LRRC69: variants seen among roughly 807,000 people sequenced by gnomAD.
The protein encoded by LRRC69 is leucine rich repeat containing 69, also known as leucine-rich repeat-containing protein 69.
LRRC69 carries 42 observed loss-of-function variants against 37.8 expected under a neutral mutation model. That is an observed-to-expected ratio of 1.11 (90% CI 0.87 to 1.44). The LOEUF is 1.44. LRRC69 is among the 40% of genes most tolerant of loss of function. The pLI is 0.00. For missense variants in LRRC69, 357 were observed against 401.9 expected (o/e 0.89, Z 0.96); for synonymous variants, 141 against 143.1 (o/e 0.99, Z 0.11).
chr8:91,219,026 C>A, downstream of LRRC69: 1 of 1,308,942 alleles, frequency 7.6e-7, no homozygotes, highest in Non-Finnish European at 1.1e-6. Flanking sequence ...CATTCATAGC[C>A]TCACTCCACT....
chr8:91,184,008 C>T (rs1269079394), intron 5 of LRRC69, among the ~76,000 whole-genome samples: 1 of 152,080 alleles, frequency 6.6e-6, no homozygotes, highest in Non-Finnish European at 1.5e-5. Context: ...AGGCTTGGCA[C>T]GTGTCTCACA....
At chr8:91,107,059 C>G (rs1813327450) in intron 1 of LRRC69, among the ~76,000 whole-genome samples, 1 of 151,736 alleles carries the variant, frequency 6.6e-6, no homozygotes, top group African/African-American at 2.4e-5. Flanking sequence ...ACCTCAGCCT[C>G]CCAAAGTGCT....
At chr8:91,184,798 G>T (rs1809377770) in intron 5 of LRRC69, among the ~76,000 whole-genome samples, 2 of 152,208 alleles carry the variant, frequency 1.3e-5, no homozygotes, top group South Asian at 4.1e-4. Flanking sequence ...GGTGGAGAAT[G>T]CTTGGGAAGA....
At chr8:91,159,448 T>C (rs1808897590) in intron 5 of LRRC69, among the ~76,000 whole-genome samples, 1 of 151,210 alleles carries the variant, frequency 6.6e-6, no homozygotes, top group Non-Finnish European at 1.5e-5. Context: ...ATAATATCAA[T>C]GAACTAAACT....
intron 1 of LRRC69, among the ~76,000 whole-genome samples, chr8:91,113,554 A>G (rs935104382): frequency 3.3e-5 from 5 of 152,040 alleles, no homozygotes; most frequent in Non-Finnish European, 7.3e-5. Flanking sequence ...GGTATACAAA[A>G]ATCAACTTAA....
chr8:91,118,010 G>C (rs1813543091), intron 1 of LRRC69, among the ~76,000 whole-genome samples: 1 of 151,828 alleles, frequency 6.6e-6, no homozygotes, highest in South Asian at 2.1e-4. Flanking sequence ...TTATGTGAGA[G>C]AGAAGGAGTG....
At chr8:91,134,010 G>A (rs1563599565) in intron 4 of LRRC69, among the ~76,000 whole-genome samples, 1 of 151,608 alleles carries the variant, frequency 6.6e-6, no homozygotes, top group Admixed American at 6.6e-5. Context: ...GTTCATTTTG[G>A]CTTTGGAATA....
chr8:91,133,657 CAG>C (rs909094250), intron 4 of LRRC69, among the ~76,000 whole-genome samples: 5 of 152,042 alleles, frequency 3.3e-5, no homozygotes, highest in African/African-American at 9.7e-5. Context: ...CTTTTTGAGA[CAG>C]AGTCTTGCTC....
chr8:91,214,224 C>T (rs1809994900), intron 7 of LRRC69, among the ~76,000 whole-genome samples: 1 of 152,030 alleles, frequency 6.6e-6, no homozygotes, highest in South Asian at 2.1e-4. Context: ...CATGGGAAAC[C>T]TCTGAGGGGT....
At chr8:91,158,241 A>G in intron 5 of LRRC69, 1 of 1,579,044 alleles carries the variant, frequency 6.3e-7, no homozygotes, top group East Asian at 2.2e-5. Flanking sequence ...AAGGATCTCT[A>G]CAGTGGATTA....
intron 7 of LRRC69, among the ~76,000 whole-genome samples, chr8:91,211,683 T>C (rs774062698): frequency 4.6e-5 from 7 of 150,966 alleles, no homozygotes; most frequent in Admixed American, 6.6e-5. Context: ...TTGTTAATTA[T>C]CTCTTCAGAA....
chr8:91,135,691 A>G, exon 5 of LRRC69: 1 of 1,471,302 alleles, frequency 6.8e-7, no homozygotes, highest in Non-Finnish European at 9.0e-7. Flanking sequence ...TTAAAAAACT[A>G]AGAATCCTAG....
intron 1 of LRRC69, among the ~76,000 whole-genome samples, chr8:91,111,902 A>T (rs1040655421): frequency 1.3e-5 from 2 of 151,882 alleles, no homozygotes; most frequent in African/African-American, 4.8e-5. Flanking sequence ...AAAATAAAAA[A>T]TATATATACA....
At chr8:91,197,536 T>A (rs1351439196) in intron 6 of LRRC69, among the ~76,000 whole-genome samples, 2 of 152,004 alleles carry the variant, frequency 1.3e-5, no homozygotes, top group African/African-American at 2.4e-5. Flanking sequence ...TGCGGGATAT[T>A]ATCTCGTGGT....
rs541540790 is a variant in LRRC69, at chr8:91,162,597, G to A, written c.651+26858G>A. 1.5e-3 allele frequency among the ~76,000 whole-genome samples: 228 copies of A among 151,172 alleles called. 2 individuals carry two copies. Among genetic ancestry groups the A allele is most frequent in the Non-Finnish European group, 2.6e-3 (174 of 67,642 alleles). ...TCCTGCTCACTTTTGTTTTCCATTT[G>A]TATGGAACATCTTTTCCCATCCCTT... On this transcript the variant is annotated intron_variant, in intron 5 of 7. Transcript: ENST00000448384.
intron 7 of LRRC69, among the ~76,000 whole-genome samples, chr8:91,213,938 T>A (rs747013171): frequency 3.3e-5 from 5 of 152,140 alleles, no homozygotes; most frequent in African/African-American, 4.8e-5. Context: ...AGGATTAGAT[T>A]AAGTAAGGGG....
chr8:91,167,582 A>C (rs965378978), intron 5 of LRRC69, among the ~76,000 whole-genome samples: 1 of 152,004 alleles, frequency 6.6e-6, no homozygotes, highest in Non-Finnish European at 1.5e-5. Flanking sequence ...TGAAACATCC[A>C]GTGTTTTGCT....
chr8:91,105,101 G>A (rs1011875790), intron 1 of LRRC69, among the ~76,000 whole-genome samples: 29 of 152,038 alleles, frequency 1.9e-4, no homozygotes, highest in African/African-American at 7.0e-4. Flanking sequence ...ACACCACTAA[G>A]AATTCAACTG....
intron 5 of LRRC69, among the ~76,000 whole-genome samples, chr8:91,153,835 C>T (rs1414845848): frequency 6.6e-6 from 1 of 151,724 alleles, no homozygotes; most frequent in Non-Finnish European, 1.5e-5. Context: ...AATCCAAAAG[C>T]TAGGAGAAGA....
Sources: allele counts gnomAD v4.1 joint callset (sites outside exome capture counted in the v4.1 genomes callset), GRCh38; gene constraint gnomAD v4.1.1; transcripts MANE v1.5; gene names NCBI Gene and HGNC (gene_info 2026-07-23, HGNC 2026-07-21).